Variants in LRPPRC observed in about 807,000 individuals in gnomAD.
LRPPRC encodes the protein leucine-rich PPR motif-containing protein, mitochondrial.
In LRPPRC, 120 loss-of-function variants were observed where a neutral mutation model predicts 180.3. That is an observed-to-expected ratio of 0.67 (90% CI 0.57 to 0.77). The LOEUF is 0.77. Among genes scored for constraint, LRPPRC ranks in the 30% least tolerant of loss-of-function variants. The pLI, the probability that LRPPRC is intolerant of heterozygous loss-of-function variation, is 0.00. For synonymous variants in LRPPRC, 723 were observed against 600.0 expected (o/e 1.21, Z -3.00); for missense variants, 2,012 against 1,657.2 (o/e 1.21, Z -3.72).
At chr2:43,945,754 A>G (rs1158144065) in intron 21 of LRPPRC, among the ~76,000 whole-genome samples, 2 of 152,120 alleles carry the variant, frequency 1.3e-5, no homozygotes, top group African/African-American at 4.8e-5. Context: ...ATAGGAAGCC[A>G]AAGGTACCTG....
intron 1 of LRPPRC, among the ~76,000 whole-genome samples, chr2:43,984,247 C>T (rs1463963255): frequency 1.3e-5 from 2 of 152,012 alleles, no homozygotes; most frequent in Non-Finnish European, 2.9e-5. Context: ...TAGTCAACAA[C>T]AAAAGCTGAT....
At chr2:43,932,127 A>C (rs1672112923) in intron 25 of LRPPRC, among the ~76,000 whole-genome samples, 1 of 117,960 alleles carries the variant, frequency 8.5e-6, no homozygotes, top group Non-Finnish European at 1.9e-5. Flanking sequence ...CTGTCTCAAA[A>C]AAAAAAAAAA....
intron 30 of LRPPRC, among the ~76,000 whole-genome samples, chr2:43,907,262 G>A (rs774041231): frequency 1.3e-5 from 2 of 152,086 alleles, no homozygotes; most frequent in Non-Finnish European, 2.9e-5. Context: ...ATATCAGGAA[G>A]AAGAAACCCC....
intron 13 of LRPPRC, chr2:43,959,324 A>G: frequency 1.5e-6 from 1 of 649,854 alleles, no homozygotes. Context: ...ACCATTTTTC[A>G]TACTGGACAC....
intron 27 of LRPPRC, among the ~76,000 whole-genome samples, chr2:43,920,000 T>A (rs1234855882): frequency 7.2e-6 from 1 of 139,440 alleles, no homozygotes; most frequent in Non-Finnish European, 1.5e-5. Flanking sequence ...AGTTTTTTGA[T>A]AACTAATGAC....
At chr2:43,989,149 T>C (rs1265937389) in intron 1 of LRPPRC, among the ~76,000 whole-genome samples, 1 of 152,198 alleles carries the variant, frequency 6.6e-6, no homozygotes, top group Non-Finnish European at 1.5e-5. Context: ...CGGAGATTAC[T>C]GGGCCTGGCC....
intron 14 of LRPPRC, among the ~76,000 whole-genome samples, chr2:43,953,715 G>C (rs558667642): frequency 6.6e-6 from 1 of 152,288 alleles, no homozygotes; most frequent in Non-Finnish European, 1.5e-5. Context: ...TATTTTCAAT[G>C]TTATCTATTC....
At chr2:43,992,308 G>C (rs1674816577) in intron 1 of LRPPRC, among the ~76,000 whole-genome samples, 1 of 152,194 alleles carries the variant, frequency 6.6e-6, no homozygotes, top group Non-Finnish European at 1.5e-5. Context: ...ACAAGCACTA[G>C]ACCTACAAAA....
intron 11 of LRPPRC, among the ~76,000 whole-genome samples, chr2:43,968,639 GAC>G (rs1673663169): frequency 6.6e-6 from 1 of 152,186 alleles, no homozygotes; most frequent in Non-Finnish European, 1.5e-5. Context: ...GACACAGAAA[GAC>G]AATACTGTCT....
intron 36 of LRPPRC, among the ~76,000 whole-genome samples, chr2:43,891,227 TCTTTA>T (rs1233849529): frequency 6.6e-6 from 1 of 152,260 alleles, no homozygotes; most frequent in Non-Finnish European, 1.5e-5. Flanking sequence ...ATCTTGCCTT[TCTTTA>T]CTTCTTGATT....
intron 36 of LRPPRC, among the ~76,000 whole-genome samples, chr2:43,894,060 C>G (rs1054453664): frequency 4.6e-5 from 7 of 152,048 alleles, no homozygotes; most frequent in African/African-American, 1.7e-4. Flanking sequence ...AGAATTTGAA[C>G]TGGGACGTAA....
chr2:43,986,667 T>C (rs1674539159), intron 1 of LRPPRC, among the ~76,000 whole-genome samples: 1 of 152,194 alleles, frequency 6.6e-6, no homozygotes, highest in Admixed American at 6.5e-5. Flanking sequence ...CAGTTAAGGC[T>C]AATGATAGGG....
chr2:43,927,125 T>C (rs1470205053), intron 25 of LRPPRC, among the ~76,000 whole-genome samples: 1 of 152,192 alleles, frequency 6.6e-6, no homozygotes, highest in Non-Finnish European at 1.5e-5. Context: ...CACCATTAAA[T>C]ACTACATTTC....
chr2:43,934,895 T>C lies in LRPPRC; in HGVS notation c.2505-17A>G, dbSNP rs376506282. On this transcript the variant is annotated splice_polypyrimidine_tract_variant and intron_variant, in intron 23 of 37. Transcript: ENST00000260665. ...AGGTCGCCCCTTAGAAACAAAAAAA[T>C]TAGCAATGAATAAAATAAATCGAAT... 4.2e-5 allele frequency: 68 copies of C among 1,608,502 alleles called. No individual in the cohort carries two copies. The African/African-American group carries it at 8.6e-4, about 20-fold the overall frequency.
At chr2:43,994,012 A>G (rs957046932) in intron 1 of LRPPRC, among the ~76,000 whole-genome samples, 1 of 152,138 alleles carries the variant, frequency 6.6e-6, no homozygotes, top group African/African-American at 2.4e-5. Flanking sequence ...CACCGAGACC[A>G]CCCTTTCTAC....
chr2:43,948,782 ACT>A (rs1033277874), intron 16 of LRPPRC, among the ~76,000 whole-genome samples: 4 of 151,844 alleles, frequency 2.6e-5, no homozygotes, highest in African/African-American at 9.7e-5. Flanking sequence ...TTTTTCCACC[ACT>A]CTGTGACAGA....
intron 34 of LRPPRC, among the ~76,000 whole-genome samples, chr2:43,898,419 T>A (rs369798010): frequency 6.6e-6 from 1 of 152,120 alleles, no homozygotes; most frequent in African/African-American, 2.4e-5. Flanking sequence ...CACGCCTCAA[T>A]TTGACACAGG....
intron 31 of LRPPRC, among the ~76,000 whole-genome samples, chr2:43,905,266 TCACA>T (rs916576593): frequency 3.9e-5 from 6 of 152,134 alleles, no homozygotes; most frequent in African/African-American, 1.4e-4. Context: ...ATTTGGTATC[TCACA>T]CACAACCAAC....
intron 9 of LRPPRC, 79 bp from the exon 10 acceptor site, chr2:43,973,979 C>A: frequency 9.0e-7 from 1 of 1,109,928 alleles, no homozygotes; most frequent in Non-Finnish European, 1.4e-6. Context: ...TCTACCACTT[C>A]TGAGATGAGC....
Sources: allele counts gnomAD v4.1 joint callset (sites outside exome capture counted in the v4.1 genomes callset), GRCh38; gene constraint gnomAD v4.1.1; transcripts MANE v1.5; gene names NCBI Gene and HGNC (gene_info 2026-07-23, HGNC 2026-07-21).